The following GABRB1 variants were observed in gnomAD, a reference collection of about 807,000 sequenced individuals.
The protein encoded by GABRB1 is gamma-aminobutyric acid type A receptor subunit beta1.
GABRB1 carries 17 observed loss-of-function variants against 51.6 expected under a neutral mutation model. That is an observed-to-expected ratio of 0.33 (90% confidence interval 0.23 to 0.49). The LOEUF (loss-of-function observed/expected upper bound fraction) is 0.49, where lower values mean the gene tolerates loss of function less well. Among genes scored for constraint, GABRB1 ranks in the 20% least tolerant of loss-of-function variants. GABRB1 has a pLI of 0.99. For synonymous variants in GABRB1, 247 were observed against 218.9 expected (o/e 1.13, Z -1.14); for missense variants, 410 against 600.6 (o/e 0.68, Z 3.32).
chr4:47,194,315 T>C (rs1237544526), intron 4 of GABRB1, among the ~76,000 whole-genome samples: 1 of 152,176 alleles, frequency 6.6e-6, no homozygotes, highest in Non-Finnish European at 1.5e-5. Context: ...ATAATATACA[T>C]ACTCTTTTTA....
At chr4:47,396,261 C>T (rs2110043760) in intron 5 of GABRB1, among the ~76,000 whole-genome samples, 1 of 152,220 alleles carries the variant, frequency 6.6e-6, no homozygotes, top group South Asian at 2.1e-4. Context: ...CCTTATCAAA[C>T]CATCAGATCT....
At chr4:47,219,910 T>C (rs1421713784) in intron 4 of GABRB1, among the ~76,000 whole-genome samples, 1 of 151,952 alleles carries the variant, frequency 6.6e-6, no homozygotes, top group Non-Finnish European at 1.5e-5. Context: ...GAATTACTTG[T>C]CTTCCTTCCT....
chr4:47,111,876 T>C (rs939169936), intron 3 of GABRB1, among the ~76,000 whole-genome samples: 1 of 152,036 alleles, frequency 6.6e-6, no homozygotes, highest in Non-Finnish European at 1.5e-5. Context: ...ACAATCGTAA[T>C]GTATAATTTT....
chr4:47,100,169 A>G (rs1381444675), intron 3 of GABRB1, among the ~76,000 whole-genome samples: 1 of 150,822 alleles, frequency 6.6e-6, no homozygotes, highest in African/African-American at 2.4e-5. Context: ...AAAATCAAAT[A>G]ACTAGAAAAA....
intron 4 of GABRB1, among the ~76,000 whole-genome samples, chr4:47,231,743 T>C (rs1170428960): frequency 6.6e-6 from 1 of 152,210 alleles, no homozygotes; most frequent in African/African-American, 2.4e-5. Context: ...TAGTGGGTAC[T>C]CATGCCCACT....
At chr4:47,395,128 C>A (rs1388677761) in intron 5 of GABRB1, among the ~76,000 whole-genome samples, 1 of 152,168 alleles carries the variant, frequency 6.6e-6, no homozygotes. Context: ...ATTTGGGAAA[C>A]AACTGGTGAT....
At chr4:47,286,362 A>G (rs1215702635) in intron 4 of GABRB1, among the ~76,000 whole-genome samples, 1 of 152,174 alleles carries the variant, frequency 6.6e-6, no homozygotes, top group Non-Finnish European at 1.5e-5. Context: ...AATATTTTAT[A>G]TAAGTATATT....
At chr4:47,173,380 G>A (rs1349912905) in intron 4 of GABRB1, among the ~76,000 whole-genome samples, 1 of 152,066 alleles carries the variant, frequency 6.6e-6, no homozygotes, top group Admixed American at 6.6e-5. Context: ...ACAACACTAG[G>A]ACAAAGGAAT....
At chr4:47,040,203 C>G (rs936546037) in intron 3 of GABRB1, among the ~76,000 whole-genome samples, 2 of 152,148 alleles carry the variant, frequency 1.3e-5, no homozygotes, top group Non-Finnish European at 2.9e-5. Context: ...GAAATGGACC[C>G]TAATCCTGAA....
chr4:47,082,850 A>T (rs1252892765), intron 3 of GABRB1, among the ~76,000 whole-genome samples: 2 of 152,140 alleles, frequency 1.3e-5, no homozygotes, highest in African/African-American at 4.8e-5. Context: ...CCTTATCACA[A>T]TGTTCTGTCT....
intron 4 of GABRB1, among the ~76,000 whole-genome samples, chr4:47,227,645 C>A (rs1720993592): frequency 1.3e-5 from 2 of 152,050 alleles, no homozygotes. Context: ...CCCATGTAGA[C>A]CAATGGTACA....
intron 4 of GABRB1, among the ~76,000 whole-genome samples, chr4:47,272,361 T>C (rs1454820349): frequency 1.3e-5 from 2 of 152,202 alleles, no homozygotes; most frequent in African/African-American, 4.8e-5. Context: ...AAATACTAAT[T>C]TGTTTATTTT....
At chr4:47,258,065 C>T (rs1002672617) in intron 4 of GABRB1, among the ~76,000 whole-genome samples, 1 of 152,122 alleles carries the variant, frequency 6.6e-6, no homozygotes, top group East Asian at 1.9e-4. Flanking sequence ...GGTTGAGAAG[C>T]AGCATTCTAG....
At chr4:47,089,937 G>T (rs561020252) in intron 3 of GABRB1, among the ~76,000 whole-genome samples, 168 of 152,244 alleles carry the variant, frequency 1.1e-3, no homozygotes, top group Middle Eastern at 3.5e-3. Context: ...CACATTATCT[G>T]CAAGTAACAA....
intron 4 of GABRB1, among the ~76,000 whole-genome samples, chr4:47,263,139 C>G (rs1722510223): frequency 6.6e-6 from 1 of 151,336 alleles, no homozygotes; most frequent in Admixed American, 6.6e-5. Flanking sequence ...CACATGTATA[C>G]ATATGTAACT....
chr4:47,025,165 G>T (rs1467329112), intron 1 of GABRB1, among the ~76,000 whole-genome samples: 1 of 150,476 alleles, frequency 6.6e-6, no homozygotes, highest in Non-Finnish European at 1.5e-5. Flanking sequence ...ATTTGGGTTG[G>T]CTCCACATTT....
intron 4 of GABRB1, among the ~76,000 whole-genome samples, chr4:47,231,203 A>G (rs1202110516): frequency 1.3e-5 from 2 of 152,184 alleles, no homozygotes; most frequent in African/African-American, 4.8e-5. Flanking sequence ...TCATATTAAG[A>G]CAATGTATGA....
At chr4:47,044,577 G>T (rs1726004416) in intron 3 of GABRB1, among the ~76,000 whole-genome samples, 1 of 151,888 alleles carries the variant, frequency 6.6e-6, no homozygotes, top group African/African-American at 2.4e-5. Flanking sequence ...AGATATATAT[G>T]ATTATATGCT....
At chr4:47,030,187 G>C (rs150767241), upstream of GABRB1, among the ~76,000 whole-genome samples, 224 of 152,132 alleles carry the variant, frequency 1.5e-3, 2 homozygotes, top group African/African-American at 5.2e-3. Flanking sequence ...GTCATATTTT[G>C]TGTATTTAAA....
Sources: allele counts gnomAD v4.1 joint callset (sites outside exome capture counted in the v4.1 genomes callset), GRCh38; gene constraint gnomAD v4.1.1; transcripts MANE v1.5; gene names NCBI Gene and HGNC (gene_info 2026-07-23, HGNC 2026-07-21).